Variants in HPSE2 observed in about 807,000 individuals in gnomAD.
The protein encoded by HPSE2 is inactive heparanase-2.
A neutral mutation model predicts 60.5 loss-of-function variants in HPSE2; 38 were observed. That is an observed-to-expected ratio of 0.63 (90% CI 0.48 to 0.82). The LOEUF (loss-of-function observed/expected upper bound fraction) is 0.82. Among genes scored for constraint, HPSE2 ranks in the 40% least tolerant of loss-of-function variants. The pLI is 0.00. For synonymous variants in HPSE2, 295 were observed against 293.2 expected, an observed-to-expected ratio of 1.01 and a Z score of -0.06; for missense variants, 713 against 740.4, an observed-to-expected ratio of 0.96 and a Z score of 0.43.
chr10:98,976,033 T>C (rs1956076710), intron 3 of HPSE2, among the ~76,000 whole-genome samples: 1 of 152,154 alleles, frequency 6.6e-6, no homozygotes, highest in Non-Finnish European at 1.5e-5. Context: ...CCTTAAAAAC[T>C]CTTCACTTAG....
chr10:99,273,888 T>G, the HPSE2 span, among the ~76,000 whole-genome samples: 4 of 152,192 alleles, frequency 2.6e-5, no homozygotes, highest in African/African-American at 4.8e-5. Flanking sequence ...CTTTGGCCAG[T>G]GAGAATGTGT....
At chr10:98,548,446 G>A (rs932615280) in intron 9 of HPSE2, among the ~76,000 whole-genome samples, 4 of 152,052 alleles carry the variant, frequency 2.6e-5, no homozygotes, top group African/African-American at 9.7e-5. Flanking sequence ...GTGAAACCCA[G>A]TCTCTACTAA....
intron 3 of HPSE2, among the ~76,000 whole-genome samples, chr10:98,998,549 C>T (rs7907509): frequency 9.1e-4 from 138 of 152,280 alleles, no homozygotes; most frequent in African/African-American, 3.2e-3. Context: ...TCCCTGGAAA[C>T]GTAGGTTCTC....
At chr10:98,846,892 A>G (rs1351552348) in intron 3 of HPSE2, among the ~76,000 whole-genome samples, 1 of 152,134 alleles carries the variant, frequency 6.6e-6, no homozygotes, top group Non-Finnish European at 1.5e-5. Flanking sequence ...GTTTCCAATG[A>G]CAGAGTTCAC....
intron 2 of HPSE2, among the ~76,000 whole-genome samples, chr10:99,182,487 T>C (rs1050994195): frequency 1.8e-4 from 27 of 152,182 alleles, no homozygotes; most frequent in African/African-American, 6.0e-4. Flanking sequence ...TATGCTTCCT[T>C]TCCCATGGGA....
chr10:99,071,359 C>T (rs947919896), intron 3 of HPSE2, among the ~76,000 whole-genome samples: 4 of 152,180 alleles, frequency 2.6e-5, no homozygotes, highest in African/African-American at 7.2e-5. Flanking sequence ...CATAAGCCGC[C>T]GTGCCTGGCC....
At chr10:99,179,590 G>T (rs1312439873) in intron 2 of HPSE2, among the ~76,000 whole-genome samples, 1 of 151,862 alleles carries the variant, frequency 6.6e-6, no homozygotes, top group Admixed American at 6.6e-5. Context: ...TACAAACCAC[G>T]GCTCAAGGAA....
intron 3 of HPSE2, among the ~76,000 whole-genome samples, chr10:98,788,561 G>A (rs2134471196): frequency 6.6e-6 from 1 of 152,020 alleles, no homozygotes; most frequent in Non-Finnish European, 1.5e-5. Flanking sequence ...CCGCCTTGCA[G>A]TTTGATCTCA....
At chr10:98,660,292 A>ATTTCTTT in intron 6 of HPSE2, among the ~76,000 whole-genome samples, 1 of 152,080 alleles carries the variant, frequency 6.6e-6, no homozygotes, top group Admixed American at 6.6e-5. Flanking sequence ...AATGCCTGGG[A>ATTTCTTT]TTTCTTTTTT....
chr10:98,620,789 A>C (rs1408696564), intron 7 of HPSE2, 81 bp from the exon 8 acceptor site: 2 of 937,440 alleles, frequency 2.1e-6, no homozygotes, highest in African/African-American at 3.3e-5. Flanking sequence ...CATTCCCTTA[A>C]GGAAGTTGAT....
At chr10:99,021,943 C>T (rs1288734227) in intron 3 of HPSE2, among the ~76,000 whole-genome samples, 1 of 151,684 alleles carries the variant, frequency 6.6e-6, no homozygotes, top group Non-Finnish European at 1.5e-5. Flanking sequence ...GCACAACATG[C>T]AGGTTTGTTA....
chr10:99,265,120 C>T, the HPSE2 span, among the ~76,000 whole-genome samples: 1 of 152,280 alleles, frequency 6.6e-6, no homozygotes, highest in East Asian at 1.9e-4. Context: ...TGATGACATT[C>T]CACCATTGTG....
At chr10:99,304,673 G>A in the HPSE2 span, among the ~76,000 whole-genome samples, 3 of 152,322 alleles carry the variant, frequency 2.0e-5, no homozygotes, top group African/African-American at 7.2e-5. Flanking sequence ...TGATGTAAGG[G>A]TCTAAAGTGC....
chr10:98,758,711 A>T (rs1011057344), intron 3 of HPSE2, among the ~76,000 whole-genome samples: 2 of 152,218 alleles, frequency 1.3e-5, no homozygotes, highest in African/African-American at 4.8e-5. Context: ...TTGCGGAGAA[A>T]AACGAATGCG....
chr10:98,870,164 G>T (rs1952694567), intron 3 of HPSE2, among the ~76,000 whole-genome samples: 1 of 152,124 alleles, frequency 6.6e-6, no homozygotes, highest in African/African-American at 2.4e-5. Flanking sequence ...ACGGTTAATT[G>T]TGAACTCTAA....
chr10:98,861,483 G>A (rs909698642), intron 3 of HPSE2, among the ~76,000 whole-genome samples: 1 of 152,242 alleles, frequency 6.6e-6, no homozygotes, highest in South Asian at 2.1e-4. Flanking sequence ...GGGACCCCTA[G>A]GGCACCACCA....
chr10:99,159,582 T>C (rs1005001946), intron 2 of HPSE2, among the ~76,000 whole-genome samples: 4 of 152,226 alleles, frequency 2.6e-5, no homozygotes, highest in African/African-American at 9.6e-5. Context: ...TGCAAGTTTT[T>C]GTAAGTCTAA....
chr10:98,522,599 T>C (rs1942833415), intron 9 of HPSE2, among the ~76,000 whole-genome samples: 1 of 152,146 alleles, frequency 6.6e-6, no homozygotes, highest in African/African-American at 2.4e-5. Flanking sequence ...CTCAGCCTCC[T>C]GAGTAGCTGG....
intron 3 of HPSE2, among the ~76,000 whole-genome samples, chr10:99,098,517 G>C (rs1478516593): frequency 2.0e-5 from 3 of 151,834 alleles, no homozygotes; most frequent in Non-Finnish European, 4.4e-5. Context: ...GTATTTCTTT[G>C]GTATGATATA....
Sources: gnomAD v4.1 joint callset for allele counts (sites outside exome capture counted in the v4.1 genomes callset) on GRCh38, gnomAD v4.1.1 for gene constraint, MANE v1.5 for transcripts, NCBI Gene and HGNC (gene_info 2026-07-23, HGNC 2026-07-21) for gene names.